The following HS6ST2 variants were observed in gnomAD, a reference collection of about 807,000 sequenced individuals.
HS6ST2 encodes heparan-sulfate 6-O-sulfotransferase 2.
In HS6ST2, 17 loss-of-function variants were observed where a neutral mutation model predicts 33.0. The observed-to-expected ratio is 0.52, with a 90% CI of 0.35 to 0.77. The LOEUF (loss-of-function observed/expected upper bound fraction) is 0.77. Among genes scored for constraint, HS6ST2 ranks in the 30% least tolerant of loss-of-function variants. HS6ST2 has a pLI of 0.01. For missense variants in HS6ST2, 519 were observed against 551.7 expected, an observed-to-expected ratio of 0.94 and a Z score of 0.59; for synonymous variants, 248 against 237.1, an observed-to-expected ratio of 1.05 and a Z score of -0.42.
At chrX:132,880,365 G>C (rs1424132705) in intron 2 of HS6ST2, among the ~76,000 whole-genome samples, 4 of 109,828 alleles carry the variant, frequency 3.6e-5, no homozygotes, top group African/African-American at 1.3e-4. Flanking sequence ...GTGAAACACT[G>C]TCTCTCCTAA....
intron 2 of HS6ST2, among the ~76,000 whole-genome samples, chrX:132,852,465 A>G (rs914640124): frequency 1.6e-4 from 18 of 112,126 alleles, no homozygotes; most frequent in Admixed American, 1.6e-3. Flanking sequence ...GACAATATCA[A>G]TGTTACTCAC....
At chrX:132,722,884 C>CAAAAAAAAAAAAAAAAAAAA (rs144182974) in intron 2 of HS6ST2, among the ~76,000 whole-genome samples, 2 of 82,289 alleles carry the variant, frequency 2.4e-5, no homozygotes, top group East Asian at 4.2e-4. Flanking sequence ...AATAAAAAAA[C>CAAAAAAAAAAAAAAAAAAAA]AAAAAAAAAA....
At chrX:132,956,656 C>G (rs1053228949) in intron 2 of HS6ST2, among the ~76,000 whole-genome samples, 152 bp downstream of exon 2, 2 of 112,952 alleles carry the variant, frequency 1.8e-5, no homozygotes, top group East Asian at 5.6e-4. Flanking sequence ...GCGCGGCGAA[C>G]GTGCGCTACT....
intron 2 of HS6ST2, among the ~76,000 whole-genome samples, chrX:132,850,236 G>A (rs144192940): frequency 0.02 from 2,249 of 111,853 alleles, 58 homozygotes; most frequent in African/African-American, 0.068. Context: ...AGCCCACATC[G>A]TAGTCAATGT....
chrX:132,736,033 C>T (rs908556790), intron 2 of HS6ST2, among the ~76,000 whole-genome samples: 3 of 109,880 alleles, frequency 2.7e-5, no homozygotes, highest in South Asian at 4.0e-4. Flanking sequence ...TTAGTAGAGA[C>T]GGGGTTTCAC....
At chrX:132,693,381 G>GCAAA (rs2064081357) in intron 3 of HS6ST2, among the ~76,000 whole-genome samples, 1 of 111,800 alleles carries the variant, frequency 8.9e-6, no homozygotes, top group Non-Finnish European at 1.9e-5. Context: ...AAAGAAAGCA[G>GCAAA]GATTTACTAG....
At chrX:132,904,318 T>G (rs2066451328) in intron 2 of HS6ST2, among the ~76,000 whole-genome samples, 1 of 111,434 alleles carries the variant, frequency 9.0e-6, no homozygotes, top group Non-Finnish European at 1.9e-5. Context: ...TTCCATTGTA[T>G]GAATATATCA....
intron 4 of HS6ST2, among the ~76,000 whole-genome samples, chrX:132,630,424 C>T (rs1013211546): frequency 1.1e-4 from 12 of 111,294 alleles, no homozygotes; most frequent in African/African-American, 3.9e-4. Flanking sequence ...CTGGGGCTTC[C>T]ATCACCTCAG....
chrX:132,915,309 C>T (rs1457409553), intron 2 of HS6ST2, among the ~76,000 whole-genome samples: 6 of 112,484 alleles, frequency 5.3e-5, no homozygotes, highest in East Asian at 5.6e-4. Flanking sequence ...CCCAATGACA[C>T]GGGGTTTCTG....
At chrX:132,934,944 C>A (rs1271517770) in intron 2 of HS6ST2, among the ~76,000 whole-genome samples, 1 of 110,875 alleles carries the variant, frequency 9.0e-6, no homozygotes, top group Non-Finnish European at 1.9e-5. Flanking sequence ...ATCATGGAAA[C>A]AAGAACCACA....
chrX:132,944,523 C>T (rs1161973966), intron 2 of HS6ST2, among the ~76,000 whole-genome samples: 3 of 111,401 alleles, frequency 2.7e-5, no homozygotes, highest in Non-Finnish European at 5.7e-5. Context: ...CATATGGAAC[C>T]AAAAAAGAGC....
chrX:132,919,948 A>G (rs936891815), intron 2 of HS6ST2, among the ~76,000 whole-genome samples: 1 of 111,839 alleles, frequency 8.9e-6, no homozygotes, highest in Admixed American at 9.5e-5. Flanking sequence ...AGCGTACGGA[A>G]AACCCTGGAA....
At chrX:132,933,265 T>C (rs892853858) in intron 2 of HS6ST2, among the ~76,000 whole-genome samples, 3 of 109,786 alleles carry the variant, frequency 2.7e-5, no homozygotes, top group Admixed American at 9.8e-5. Flanking sequence ...GAGACGGAGG[T>C]TGCAGTGAGC....
At chrX:132,727,144 A>C (rs1034485193) in intron 2 of HS6ST2, among the ~76,000 whole-genome samples, 3 of 109,809 alleles carry the variant, frequency 2.7e-5, no homozygotes, top group Non-Finnish European at 3.8e-5. Flanking sequence ...TTAAAAAAAA[A>C]CTAAAACTAA....
chrX:132,861,753 C>A (rs181362631), intron 2 of HS6ST2, among the ~76,000 whole-genome samples: 1 of 111,818 alleles, frequency 8.9e-6, no homozygotes, highest in African/African-American at 3.2e-5. Context: ...TTAACTTTCC[C>A]GGGTATCTTA....
intron 4 of HS6ST2, among the ~76,000 whole-genome samples, chrX:132,629,361 A>T (rs996360109): frequency 9.0e-6 from 1 of 111,558 alleles, no homozygotes; most frequent in African/African-American, 3.3e-5. Context: ...TGACCTTGTC[A>T]TGCTTCACTC....
chrX:132,691,173 C>A (rs2064060552), intron 3 of HS6ST2, among the ~76,000 whole-genome samples: 1 of 111,677 alleles, frequency 9.0e-6, no homozygotes, highest in South Asian at 3.9e-4. Context: ...TGCTAAGGAC[C>A]AGTCGAGGAC....
intron 2 of HS6ST2, among the ~76,000 whole-genome samples, chrX:132,860,674 A>G (rs762234787): frequency 1.8e-5 from 2 of 111,260 alleles, no homozygotes; most frequent in Non-Finnish European, 3.8e-5. Flanking sequence ...AGAAAATAGG[A>G]CAAAGGTAAA....
intron 3 of HS6ST2, among the ~76,000 whole-genome samples, chrX:132,681,609 A>T (rs947059151): frequency 9.0e-6 from 1 of 111,175 alleles, no homozygotes; most frequent in Admixed American, 9.6e-5. Flanking sequence ...ACATGGGGAG[A>T]CCCCTGTCTC....
Sources: gnomAD v4.1 joint callset for allele counts (sites outside exome capture counted in the v4.1 genomes callset) on GRCh38, gnomAD v4.1.1 for gene constraint, MANE v1.5 for transcripts, NCBI Gene and HGNC (gene_info 2026-07-23, HGNC 2026-07-21) for gene names.